Variants in RGS17 observed in about 807,000 individuals in gnomAD.
RGS17 encodes regulator of G protein signaling 17, also known as regulator of G-protein signaling 17.
In RGS17, 12 loss-of-function variants were observed where a neutral mutation model predicts 25.5. The ratio of observed to expected loss-of-function variants is 0.47; its 90% CI spans 0.30 to 0.76. The LOEUF is 0.76. RGS17 is among the 30% of genes least tolerant of loss of function. The pLI, the probability that RGS17 is intolerant of heterozygous loss-of-function variation, is 0.07. For synonymous variants in RGS17, 71 were observed against 76.9 expected, an observed-to-expected ratio of 0.92 and a Z score of 0.40; for missense variants, 196 against 242.2, an observed-to-expected ratio of 0.81 and a Z score of 1.27.
chr6:153,079,994 A>AT (rs1226367843), intron 1 of RGS17, among the ~76,000 whole-genome samples: 1 of 151,816 alleles, frequency 6.6e-6, no homozygotes, highest in Non-Finnish European at 1.5e-5. Context: ...ATTTTTATTT[A>AT]TTTTTTTAGA....
intron 4 of RGS17, among the ~76,000 whole-genome samples, chr6:153,015,139 G>C (rs549671714): frequency 6.6e-6 from 1 of 152,156 alleles, no homozygotes; most frequent in African/African-American, 2.4e-5. Context: ...AAGAATAGGG[G>C]CTTGCTTCTT....
In RGS17 at chr6:153,010,006, A is replaced by T. The variant is rs1431008053; in HGVS notation, c.*1568T>A. On this transcript the variant is annotated 3_prime_UTR_variant, in exon 5 of 5. Coordinates refer to ENST00000206262, the MANE Select transcript of RGS17 (RefSeq NM_012419.5). ...AAGAAACCCCCAAACTTGTTTTTTT[A>T]AAAAATATGTTTAATAAATTAAAAA... is the stretch of plus-strand genomic sequence containing the variant. The T allele has an allele frequency of 1.6e-4, 24 of 152,016 alleles. No homozygotes were observed. The highest frequency in any genetic ancestry group is 4.1e-4 in the South Asian group (2 of 4,828). The allele number at this position is 152,016 out of a possible 1,614,324, so 9.4% of individuals were successfully genotyped here.
chr6:153,087,944 G>A (rs1777074104), intron 1 of RGS17, among the ~76,000 whole-genome samples: 1 of 152,100 alleles, frequency 6.6e-6, no homozygotes, highest in African/African-American at 2.4e-5. Flanking sequence ...CACCTCTAAG[G>A]AACAGAATAA....
At chr6:153,124,838 G>A (rs1347434765) in intron 1 of RGS17, among the ~76,000 whole-genome samples, 3 of 152,090 alleles carry the variant, frequency 2.0e-5, no homozygotes, top group African/African-American at 7.2e-5. Flanking sequence ...ATCAAATCCT[G>A]AAAAAATAGG....
intron 1 of RGS17, among the ~76,000 whole-genome samples, chr6:153,061,965 G>A (rs993988183): frequency 1.1e-4 from 16 of 152,194 alleles, no homozygotes; most frequent in Non-Finnish European, 2.2e-4. Flanking sequence ...ATATCTATAC[G>A]AAAGATAGAA....
At chr6:153,041,671 G>A (rs1239977685) in intron 2 of RGS17, among the ~76,000 whole-genome samples, 2 of 152,184 alleles carry the variant, frequency 1.3e-5, no homozygotes, top group African/African-American at 4.8e-5. Context: ...ACCGATTACA[G>A]GAACCTGGTA....
chr6:153,082,120 T>A (rs185351836), intron 1 of RGS17, among the ~76,000 whole-genome samples: 10 of 152,230 alleles, frequency 6.6e-5, no homozygotes, highest in African/African-American at 2.4e-4. Flanking sequence ...TGTTTCTCCA[T>A]ACACTGTGCA....
intron 1 of RGS17, among the ~76,000 whole-genome samples, chr6:153,053,975 ATGTATATATG>A (rs1562321341): frequency 0.28 from 13,937 of 50,478 alleles, 3,171 homozygotes; most frequent in Non-Finnish European, 0.33. Context: ...ATACATATAT[ATGTATATATG>A]TATATAATAT....
In RGS17 at chr6:153,008,035, T is replaced by A. The variant is rs1779094931; in HGVS notation, c.*3539A>T. 6.6e-6 allele frequency: 1 copy of A among 152,234 alleles called. No individual in the cohort carries two copies. Among genetic ancestry groups the A allele is most frequent in the Non-Finnish European group, 1.5e-5 (1 of 68,036 alleles). 9.4% of individuals were successfully genotyped at this position (152,234 alleles called of 1,614,324 possible). A position where few individuals can be genotyped will look rare whatever the true frequency, so the allele number is the denominator to read the frequency against. On this transcript the variant is annotated 3_prime_UTR_variant, in exon 5 of 5. Coordinates refer to ENST00000206262, the MANE Select transcript of RGS17 (RefSeq NM_012419.5). Reference sequence around the variant, plus strand: ...TAATTTGTCACAATTACAATATGATTTTTTAAAGTATAAATAAGTTAAAGG... The same window carrying A: ...TAATTTGTCACAATTACAATATGATATTTTAAAGTATAAATAAGTTAAAGG...
rs1401858867 is a variant in RGS17 at position 153,011,580 on chromosome 6, T to G, written c.627A>C (p.Glu209Asp). ...FVESTAGSSSES is the reference protein window; with the variant it reads ...FVESTAGSSSDS ...GATTGTTTTTAAATGAACATTAAGA[T>G]TCAGAAGAAGAGCCAGCAGTACTTT... Residue 209 changes from glutamate to aspartate, a missense_variant, in exon 5 of 5, where the codon GAA (glutamate) becomes GAC (aspartate). This residue lies in a region of RGS17 where 179 missense variants were observed against 197.6 expected (regional missense o/e 0.91). Coordinates refer to ENST00000206262, the MANE Select transcript of RGS17 (RefSeq NM_012419.5). 2 of 1,599,182 alleles carry G rather than the reference T, an allele frequency of 1.3e-6. No homozygotes were observed. Among genetic ancestry groups the G allele is most frequent in the Non-Finnish European group, 1.7e-6 (2 of 1,170,466 alleles).
chr6:153,089,667 T>TA (rs1420909362), intron 1 of RGS17, among the ~76,000 whole-genome samples: 5 of 152,196 alleles, frequency 3.3e-5, no homozygotes, highest in African/African-American at 1.2e-4. Context: ...TGTTTGGACT[T>TA]AGTTTTTCTC....
At chr6:153,081,074 C>A (rs57559904) in intron 1 of RGS17, among the ~76,000 whole-genome samples, 11,776 of 152,088 alleles carry the variant, frequency 0.077, 624 homozygotes, top group East Asian at 0.17. Context: ...GATGTATACT[C>A]TGCTGCATTT....
intron 2 of RGS17, among the ~76,000 whole-genome samples, chr6:153,032,436 T>G (rs1776163545): frequency 6.6e-6 from 1 of 152,194 alleles, no homozygotes. Context: ...TTTCATGAAC[T>G]TAAACTCAAG....
intron 1 of RGS17, among the ~76,000 whole-genome samples, chr6:153,058,031 TCTTATC>T (rs1776583707): frequency 6.6e-6 from 1 of 152,228 alleles, no homozygotes; most frequent in Admixed American, 6.5e-5. Flanking sequence ...CTTTACCTAT[TCTTATC>T]CTTGTTTCCT....
chr6:153,045,414 G>T (rs1776374297), intron 1 of RGS17, among the ~76,000 whole-genome samples: 1 of 152,210 alleles, frequency 6.6e-6, no homozygotes, highest in African/African-American at 2.4e-5. Flanking sequence ...GCTGCAGAAA[G>T]GGTAGGATGC....
At chr6:153,124,120 C>T (rs1239658906) in intron 1 of RGS17, among the ~76,000 whole-genome samples, 1 of 152,140 alleles carries the variant, frequency 6.6e-6, no homozygotes, top group Non-Finnish European at 1.5e-5. Context: ...TGGTCTATTG[C>T]TAAACCCTAA....
At chr6:153,090,770 T>A (rs1777118426) in intron 1 of RGS17, among the ~76,000 whole-genome samples, 1 of 152,214 alleles carries the variant, frequency 6.6e-6, no homozygotes, top group African/African-American at 2.4e-5. Flanking sequence ...ATGCTGTATA[T>A]GCTACCTTCC....
At chr6:153,107,142 G>A (rs1303722116) in intron 1 of RGS17, among the ~76,000 whole-genome samples, 1 of 151,822 alleles carries the variant, frequency 6.6e-6, no homozygotes, top group African/African-American at 2.4e-5. Flanking sequence ...AGACCAGCCT[G>A]GTCAACATGG....
At position 153,009,421 on chromosome 6, in the gene RGS17, A is replaced by T. The variant is rs980587863; in HGVS notation, c.*2153T>A. 6.6e-6 allele frequency: 1 copy of T among 152,074 alleles called. No individual in the cohort carries two copies. The highest frequency in any genetic ancestry group is 1.5e-5 in the Non-Finnish European group (1 of 67,914). The allele number at this position is 152,074 out of a possible 1,614,324, so 9.4% of individuals were successfully genotyped here. ...ATAAACTCAATTCTAAGCAAGAAAA[A>T]AATTAAATAATTTAGGAACAATAGA... On this transcript the variant is annotated 3_prime_UTR_variant, in exon 5 of 5. Coordinates refer to ENST00000206262, the MANE Select transcript of RGS17 (RefSeq NM_012419.5).
Sources: allele counts gnomAD v4.1 joint callset (sites outside exome capture counted in the v4.1 genomes callset), GRCh38; gene constraint gnomAD v4.1.1; regional missense constraint gnomAD v4.1.1; transcripts MANE v1.5; gene names NCBI Gene and HGNC (gene_info 2026-07-23, HGNC 2026-07-21).